Variants in EDAR observed in about 807,000 individuals in gnomAD.
EDAR encodes the protein ectodysplasin A receptor.
In EDAR, 38 loss-of-function variants were observed where a neutral mutation model predicts 51.3. The ratio of observed to expected loss-of-function variants is 0.74; its 90% CI spans 0.57 to 0.97. The LOEUF is 0.97. Among genes scored for constraint, EDAR ranks in the 50% least tolerant of loss-of-function variants. The probability of loss-of-function intolerance (pLI) is 0.00; values close to 1 mark genes in which losing one functional copy is unlikely to be tolerated. For missense variants in EDAR, 528 were observed against 595.0 expected (o/e 0.89, Z 1.17); for synonymous variants, 227 against 242.1 (o/e 0.94, Z 0.58).
At chr2:108,963,029 GA>G (rs1483263236) in intron 1 of EDAR, among the ~76,000 whole-genome samples, 2 of 152,142 alleles carry the variant, frequency 1.3e-5, no homozygotes, top group Non-Finnish European at 2.9e-5. Flanking sequence ...CAATTGAACT[GA>G]ACAAAATCTG....
rs967379483 is a variant in EDAR, at chr2:108,911,059, T to C, written c.543A>G (p.Gln181=). Residue 181 remains glutamine, a synonymous_variant, in exon 7 of 12, where the codon CAA becomes CAG. Coordinates refer to ENST00000258443, the MANE Select transcript of EDAR (RefSeq NM_022336.4). ...FQHAHKELSG[Q]GHLATALIIA... ...TGATCAGGGCAGTGGCCAGGTGTCCTTGGCCTGAGAGTTCTGTGGGTGGAG... is the reference window on the plus strand; with the variant it reads ...TGATCAGGGCAGTGGCCAGGTGTCCCTGGCCTGAGAGTTCTGTGGGTGGAG... 5.9e-5 allele frequency: 95 copies of C among 1,614,058 alleles called. No individual in the cohort carries two copies. Among genetic ancestry groups the C allele is most frequent in the Non-Finnish European group, 8.1e-5 (95 of 1,180,030 alleles).
chr2:108,931,095 C>T, intron 1 of EDAR, 63 bp from the exon 2 acceptor site: 2 of 1,359,394 alleles, frequency 1.5e-6, no homozygotes, highest in Non-Finnish European at 2.1e-6. Context: ...GTCTGGCTAC[C>T]TTTATTTAAC....
intron 1 of EDAR, among the ~76,000 whole-genome samples, chr2:108,988,393 T>C (rs915188476): frequency 6.6e-6 from 1 of 152,070 alleles, no homozygotes; most frequent in African/African-American, 2.4e-5. Flanking sequence ...TGGCTGGAAA[T>C]GAAAACCTCA....
chr2:108,898,453 CAG>C (rs1269451102), intron 11 of EDAR, among the ~76,000 whole-genome samples: 2 of 152,150 alleles, frequency 1.3e-5, no homozygotes, highest in Admixed American at 1.3e-4. Context: ...TCTCCTGCCA[CAG>C]AGCTATCAAA....
chr2:108,970,448 G>C (rs1698215125), intron 1 of EDAR, among the ~76,000 whole-genome samples: 1 of 152,152 alleles, frequency 6.6e-6, no homozygotes, highest in Non-Finnish European at 1.5e-5. Context: ...GGAGGATCCT[G>C]ACATTGCCTT....
In EDAR at chr2:108,930,221, G is replaced by A. The variant is rs773132518; in HGVS notation, c.73C>T (p.Arg25Ter). 9 of 1,613,948 alleles carry A rather than the reference G, an allele frequency of 5.6e-6. No homozygotes were observed. The highest frequency in any genetic ancestry group is 3.3e-5 in the Admixed American group (2 of 60,006). Reference sequence around the variant, plus strand: ...TCACCGCAGTTTGAGTATTCCGCTCGGGCTGAGCACATCAGAGACACCTGC... The same window carrying A: ...TCACCGCAGTTTGAGTATTCCGCTCAGGCTGAGCACATCAGAGACACCTGC... Reference protein sequence around the residue: ...VLVVSLMCSARAEYSNCGENE... With the variant: ...VLVVSLMCSA Residue 25 changes from arginine (R) to a stop codon, truncating the protein, a stop_gained, in exon 3 of 12, where the codon CGA (arginine) becomes TGA (stop). Transcript: ENST00000258443. LOFTEE classifies it high-confidence loss of function.
At chr2:108,969,254 C>A (rs890210327) in intron 1 of EDAR, among the ~76,000 whole-genome samples, 1 of 152,074 alleles carries the variant, frequency 6.6e-6, no homozygotes, top group African/African-American at 2.4e-5. Flanking sequence ...TCAGCTCCAA[C>A]CTCCACCCCA....
intron 2 of EDAR, among the ~76,000 whole-genome samples, chr2:108,930,570 C>T (rs117368883): frequency 1.3e-5 from 2 of 152,278 alleles, no homozygotes; most frequent in East Asian, 3.9e-4. Context: ...CTGTCCCCCA[C>T]TGAGCCTCTA....
At chr2:108,908,605 G>A (rs1002177061) in intron 9 of EDAR, among the ~76,000 whole-genome samples, 4 of 152,198 alleles carry the variant, frequency 2.6e-5, no homozygotes, top group South Asian at 2.1e-4. Context: ...GTGGGCGGTC[G>A]GACCCACCAA....
Position 108,907,998 on chromosome 2 carries a change from C to G in EDAR, c.825G>C (p.Glu275Asp). Residue 275 changes from glutamate (E) to aspartate (D), a missense_variant, in exon 10 of 12, where the codon GAG becomes GAC. By Grantham distance (45) the Glu-to-Asp change is conservative. Coordinates refer to ENST00000258443, the MANE Select transcript of EDAR (RefSeq NM_022336.4). ...CGCTCCGGCTCAGCAGCTGCTCATT[C>G]TCGGATGAGGCATCGTTCTCGCTGC... is the stretch of plus-strand genomic sequence containing the variant. ...PTKSENDASS[E>D]NEQLLSRSVD... 6.2e-7 allele frequency: 1 copy of G among 1,610,312 alleles called. No homozygotes were observed. Among genetic ancestry groups the G allele is most frequent in the Admixed American group, 1.7e-5 (1 of 59,980 alleles).
In EDAR at chr2:108,960,957, C is replaced by T. The variant is rs72836573; in HGVS notation, c.-19+28003G>A. Among the ~76,000 whole-genome samples, 295 of 152,258 alleles carry T rather than the reference C, an allele frequency of 1.9e-3. 1 individual carries two copies. The highest frequency in any genetic ancestry group is 4.4e-3 in the Admixed American group (68 of 15,292). On this transcript the variant is annotated intron_variant, in intron 1 of 11. Transcript: ENST00000258443. ...CAAAGTTTTTCACTATTATAATGAACGCCACAACGTACATAAAAGACACAG... is the reference window on the plus strand; with the variant it reads ...CAAAGTTTTTCACTATTATAATGAATGCCACAACGTACATAAAAGACACAG...
At chr2:108,911,218 G>A (rs1696924211) in intron 6 of EDAR, 146 bp from the exon 7 acceptor site, 2 of 1,022,688 alleles carry the variant, frequency 2.0e-6, no homozygotes, top group East Asian at 2.5e-5. Flanking sequence ...CTTAGACTGA[G>A]AACCAAATCC....
chr2:108,927,278 C>G (rs1408809663), intron 4 of EDAR, among the ~76,000 whole-genome samples: 1 of 152,132 alleles, frequency 6.6e-6, no homozygotes, highest in Non-Finnish European at 1.5e-5. Context: ...CTGAGCAGGT[C>G]ACTGTCCCAT....
intron 1 of EDAR, among the ~76,000 whole-genome samples, chr2:108,983,019 C>T (rs1698442983): frequency 6.6e-6 from 1 of 152,148 alleles, no homozygotes; most frequent in Admixed American, 6.5e-5. Context: ...GATTTTATTG[C>T]CCATAAAGAA....
intron 1 of EDAR, among the ~76,000 whole-genome samples, chr2:108,945,548 C>G (rs1697699320): frequency 6.6e-6 from 1 of 152,112 alleles, no homozygotes; most frequent in Non-Finnish European, 1.5e-5. Flanking sequence ...CTTGTTGGCA[C>G]TGTCTGCATT....
intron 1 of EDAR, among the ~76,000 whole-genome samples, chr2:108,955,794 A>G (rs1697911096): frequency 6.6e-6 from 1 of 152,114 alleles, no homozygotes; most frequent in Non-Finnish European, 1.5e-5. Context: ...TGGGAGGCCG[A>G]GGCGGGCAGA....
intron 5 of EDAR, among the ~76,000 whole-genome samples, chr2:108,920,786 A>G (rs992439329): frequency 6.6e-6 from 1 of 152,208 alleles, no homozygotes; most frequent in Non-Finnish European, 1.5e-5. Flanking sequence ...CACCACATTA[A>G]TTAACGCCCT....
chr2:108,944,705 G>A (rs1361714805), intron 1 of EDAR, among the ~76,000 whole-genome samples: 4 of 152,158 alleles, frequency 2.6e-5, no homozygotes, highest in Non-Finnish European at 5.9e-5. Context: ...CTGGGCCTGG[G>A]AGGGAGGGGC....
chr2:108,977,463 G>A lies in EDAR; in HGVS notation c.-19+11497C>T, dbSNP rs892010652. ...TTTTTTGTATTTTTAGTAGAGACGC[G>A]GTTTCACTGTGTTCGCCAGGATGGT... On this transcript the variant is annotated intron_variant, in intron 1 of 11. Transcript: ENST00000258443. 6.6e-5 allele frequency among the ~76,000 whole-genome samples: 10 copies of A among 152,232 alleles called. No individual in the cohort carries two copies. In the East Asian group the frequency reaches 7.7e-4, roughly 12 times the overall value.
Sources: gnomAD v4.1 joint callset for allele counts (sites outside exome capture counted in the v4.1 genomes callset) on GRCh38, gnomAD v4.1.1 for gene constraint, MANE v1.5 for transcripts, NCBI Gene and HGNC (gene_info 2026-07-23, HGNC 2026-07-21) for gene names.